The following GRTP1 variants were observed in gnomAD, a reference collection of about 807,000 sequenced individuals.
The protein encoded by GRTP1 is growth hormone-regulated TBC protein 1.
In GRTP1, 56 loss-of-function variants were observed where a neutral mutation model predicts 38.1. The ratio of observed to expected loss-of-function variants is 1.47; its 90% CI spans 1.19 to 1.84. The LOEUF is 1.84. Ranked by LOEUF, GRTP1 falls within the 40% of genes most tolerant of loss-of-function variation. GRTP1 has a pLI of 0.00. For synonymous variants in GRTP1, 217 were observed against 189.5 expected (o/e 1.14, Z -1.19); for missense variants, 506 against 453.9 (o/e 1.11, Z -1.04).
chr13:113,347,378 A>G (rs868049865), intron 4 of GRTP1, among the ~76,000 whole-genome samples: 72 of 6,864 alleles, frequency 0.01, no homozygotes, highest in East Asian at 0.053. Flanking sequence ...GGACCTCTGA[A>G]GCCGAGAGCA....
Position 113,349,894 on chromosome 13 carries a change from C to T in GRTP1, c.465+955G>A, listed in dbSNP as rs957954407. ...GGACTGCTAGGTTCGAACCACCCAT[C>T]GCGACGATGTCCTTCCCTGTCCTCC... On this transcript the variant is annotated intron_variant, in intron 4 of 7. Transcript: ENST00000375431. The surrounding 1 kb of genome is among the most constrained non-coding windows in gnomAD (Gnocchi z 5.0). Among the ~76,000 whole-genome samples, 2 of 142,318 alleles carry T rather than the reference C, an allele frequency of 1.4e-5. No homozygotes were observed. The highest frequency in any genetic ancestry group is 7.4e-5 in the Admixed American group (1 of 13,524). The allele number at this position is 142,318 out of a possible 152,430, so 93.4% of individuals were successfully genotyped here. A position where few individuals can be genotyped will look rare whatever the true frequency, so the allele number is the denominator to read the frequency against.
chr13:113,331,223 A>T (rs934752548), intron 5 of GRTP1, among the ~76,000 whole-genome samples: 1 of 152,168 alleles, frequency 6.6e-6, no homozygotes, highest in Non-Finnish European at 1.5e-5. Flanking sequence ...TTCCATCCAG[A>T]TAGGAGGAAT....
intron 4 of GRTP1, 113 bp from the exon 5 acceptor site, chr13:113,345,072 A>G (rs1176549785): frequency 8.5e-7 from 1 of 1,176,712 alleles, no homozygotes; most frequent in African/African-American, 1.6e-5. Flanking sequence ...TTCTCCTTAA[A>G]ACCTGCATAA....
At chr13:113,345,131 G>A (rs1036062917) in intron 4 of GRTP1, 172 bp from the exon 5 acceptor site, 18 of 254,076 alleles carry the variant, frequency 7.1e-5, no homozygotes, top group South Asian at 5.9e-4. Context: ...AATACCTACC[G>A]TCTAGTAATG....
At chr13:113,353,477 G>A (rs1014111415) in intron 3 of GRTP1, among the ~76,000 whole-genome samples, 1 of 152,248 alleles carries the variant, frequency 6.6e-6, no homozygotes, top group Admixed American at 6.5e-5. Context: ...GATCCCTGAG[G>A]ACTGAGGCGA....
intron 5 of GRTP1, among the ~76,000 whole-genome samples, chr13:113,333,458 C>T (rs896258081): frequency 2.0e-5 from 3 of 152,158 alleles, no homozygotes; most frequent in African/African-American, 7.2e-5. Flanking sequence ...GTGGATTTCA[C>T]CTCAACAAAG....
At chr13:113,325,278 AG>A in intron 7 of GRTP1, 1 of 1,272,116 alleles carries the variant, frequency 7.9e-7, no homozygotes, top group Non-Finnish European at 9.9e-7. Context: ...TGGCTTCCTC[AG>A]AAGGCCTGTC....
chr13:113,327,783 A>G (rs1172837192), intron 5 of GRTP1, among the ~76,000 whole-genome samples: 2 of 152,192 alleles, frequency 1.3e-5, no homozygotes, highest in Non-Finnish European at 2.9e-5. Context: ...AAGAACCATC[A>G]ATCAGTGCCC....
chr13:113,361,210 T>TAAAAAAAAAAAA (rs60140159), intron 2 of GRTP1, among the ~76,000 whole-genome samples: 1 of 125,356 alleles, frequency 8.0e-6, no homozygotes, highest in Admixed American at 8.2e-5. Flanking sequence ...AGACCAATGC[T>TAAAAAAAAAAAA]AAAAAAAAAA....
Position 113,325,821 on chromosome 13 carries a change from A to G in GRTP1, c.761T>C (p.Leu254Ser), listed in dbSNP as rs931258578. The G allele has an allele frequency of 2.5e-6, 4 of 1,614,108 alleles. No homozygotes were observed. Among genetic ancestry groups the G allele is most frequent in the Non-Finnish European group, 2.5e-6 (3 of 1,179,972 alleles). Residue 254 changes from leucine (L) to serine (S), a missense_variant, in exon 7 of 8, where the codon TTG becomes TCG. Leu to Ser is a moderately radical substitution (Grantham distance 145). Coordinates refer to ENST00000375431, the MANE Select transcript of GRTP1 (RefSeq NM_024719.4). ...VETVLRIWDC[L>S]FNEGSKIIFR... ...GATAATCTTCGAGCCTTCGTTAAACAAACAGTCCCAGATCCGAAGCACTGT... is the reference window on the plus strand; with the variant it reads ...GATAATCTTCGAGCCTTCGTTAAACGAACAGTCCCAGATCCGAAGCACTGT...
At chr13:113,331,188 G>A (rs1178444088) in intron 5 of GRTP1, among the ~76,000 whole-genome samples, 4 of 152,162 alleles carry the variant, frequency 2.6e-5, no homozygotes, top group African/African-American at 9.7e-5. Context: ...GCTCTCCTGT[G>A]AAGAAGCACC....
intron 5 of GRTP1, chr13:113,340,075 C>T (rs1166839152): frequency 6.6e-6 from 1 of 151,164 alleles, no homozygotes; most frequent in African/African-American, 2.4e-5. Context: ...GTGGCACTAC[C>T]ACAGCTCACT....
chr13:113,330,501 TGCATGGGAGCCCAGGTGTG>T (rs1269670247), intron 5 of GRTP1, among the ~76,000 whole-genome samples: 2 of 141,744 alleles, frequency 1.4e-5, no homozygotes, highest in Admixed American at 6.9e-5. Flanking sequence ...CCCAGGTGTG[TGCATGGGAGCCCAGGTGTG>T]TGCATGGAAA....
intron 4 of GRTP1, among the ~76,000 whole-genome samples, chr13:113,345,700 T>C (rs2043092733): frequency 6.6e-6 from 1 of 152,254 alleles, no homozygotes; most frequent in Admixed American, 6.5e-5. Context: ...AGAGCGATGC[T>C]GGCAGCAGCG....
chr13:113,355,264 G>A lies in GRTP1; in HGVS notation c.340+59C>T, dbSNP rs554311530. Reference sequence around the variant, plus strand: ...GGACGCTGAGGCTAGACACTGGGTGGAAACCGGTTCCTTCCGGCCCCCGGG... The same window carrying A: ...GGACGCTGAGGCTAGACACTGGGTGAAAACCGGTTCCTTCCGGCCCCCGGG... On this transcript the variant is annotated intron_variant, in intron 3 of 7. Coordinates refer to ENST00000375431, the MANE Select transcript of GRTP1 (RefSeq NM_024719.4). The A allele has an allele frequency of 9.4e-5, 149 of 1,578,092 alleles. 1 individual carries two copies. In the South Asian group the frequency reaches 1.6e-3, roughly 17 times the overall value.
intron 2 of GRTP1, among the ~76,000 whole-genome samples, chr13:113,358,864 A>C (rs1196991086): frequency 6.6e-6 from 1 of 152,254 alleles, no homozygotes; most frequent in East Asian, 1.9e-4. Flanking sequence ...GTAATTTCTT[A>C]CTAGTTAGTT....
intron 4 of GRTP1, 150 bp from the exon 5 acceptor site, chr13:113,345,109 CTA>C (rs2043081605): frequency 2.6e-6 from 2 of 764,756 alleles, no homozygotes; most frequent in East Asian, 5.9e-5. Context: ...TAGTAGAACT[CTA>C]GAGTCACTAA....
At chr13:113,335,070 C>T (rs2042936183) in intron 5 of GRTP1, among the ~76,000 whole-genome samples, 1 of 144,218 alleles carries the variant, frequency 6.9e-6, no homozygotes, top group Non-Finnish European at 1.5e-5. Flanking sequence ...GATCCGCCTG[C>T]CTCAGCCTCC....
At chr13:113,337,287 G>A (rs1342391475) in intron 5 of GRTP1, among the ~76,000 whole-genome samples, 1 of 152,158 alleles carries the variant, frequency 6.6e-6, no homozygotes, top group African/African-American at 2.4e-5. Flanking sequence ...GTGAGATCCT[G>A]TATCCAATAA....
Sources: allele counts gnomAD v4.1 joint callset (sites outside exome capture counted in the v4.1 genomes callset), GRCh38; gene constraint gnomAD v4.1.1; non-coding constraint Gnocchi (gnomAD v3.1); transcripts MANE v1.5; gene names NCBI Gene and HGNC (gene_info 2026-07-23, HGNC 2026-07-21).